GRIP1: variants seen among roughly 807,000 people sequenced by gnomAD.
GRIP1 encodes the protein glutamate receptor interacting protein 1.
In GRIP1, 45 loss-of-function variants were observed where a neutral mutation model predicts 129.9. The ratio of observed to expected loss-of-function variants is 0.35; its 90% CI spans 0.27 to 0.44. The LOEUF is 0.44. Ranked by LOEUF, GRIP1 falls within the 20% of genes least tolerant of loss-of-function variation. The pLI, the probability that GRIP1 is intolerant of heterozygous loss-of-function variation, is 1.00. For missense variants in GRIP1, 1,196 were observed against 1,396.8 expected, an observed-to-expected ratio of 0.86 and a Z score of 2.29; for synonymous variants, 530 against 520.8, an observed-to-expected ratio of 1.02 and a Z score of -0.24.
chr12:66,726,467 C>CCAA (rs919832497), intron 1 of GRIP1, among the ~76,000 whole-genome samples: 24 of 152,022 alleles, frequency 1.6e-4, no homozygotes, highest in Non-Finnish European at 1.5e-5. Flanking sequence ...GGGCATAACT[C>CCAA]CAACAACAAC....
rs912591088 is a variant in GRIP1, at chr12:66,477,916, A to G, written c.725-12494T>C. Among the ~76,000 whole-genome samples, 6 of 152,312 alleles carry G rather than the reference A, an allele frequency of 3.9e-5. No homozygotes were observed. The South Asian group carries it at 6.2e-4, about 16-fold the overall frequency. ...AGACTTAAATGTTAGACCTAAAACC[A>G]TAAAAACCCTAGAAGAAAACCTAGG... On this transcript the variant is annotated intron_variant, in intron 7 of 24. Transcript: ENST00000359742.
intron 1 of GRIP1, among the ~76,000 whole-genome samples, chr12:66,839,720 C>T (rs1004457707): frequency 6.6e-6 from 1 of 152,150 alleles, no homozygotes; most frequent in Non-Finnish European, 1.5e-5. Flanking sequence ...TGCTAAGTGA[C>T]ATCTTATTTA....
chr12:66,787,566 G>C (rs1208453816), intron 1 of GRIP1, among the ~76,000 whole-genome samples: 1 of 152,082 alleles, frequency 6.6e-6, no homozygotes, highest in Non-Finnish European at 1.5e-5. Context: ...AGATCATGAG[G>C]GCAGGGCACA....
At chr12:66,863,471 A>C (rs1050074730) in intron 1 of GRIP1, among the ~76,000 whole-genome samples, 1 of 152,146 alleles carries the variant, frequency 6.6e-6, no homozygotes, top group African/African-American at 2.4e-5. Flanking sequence ...CATCAGAGAA[A>C]GTATTTCTGA....
chr12:66,842,998 A>C (rs2039748688), intron 1 of GRIP1, among the ~76,000 whole-genome samples: 1 of 152,160 alleles, frequency 6.6e-6, no homozygotes, highest in Non-Finnish European at 1.5e-5. Context: ...ATTTGAAAAG[A>C]GATTAATTCA....
chr12:66,385,329 A>C (rs959381241), intron 19 of GRIP1, among the ~76,000 whole-genome samples: 1 of 152,048 alleles, frequency 6.6e-6, no homozygotes, highest in Non-Finnish European at 1.5e-5. Context: ...TGAGGTTAGG[A>C]GTTCAAGACC....
rs61926132 is a variant in GRIP1, at chr12:66,697,769, C to T, written c.-419-67433G>A. Among the ~76,000 whole-genome samples, 1,051 of 152,150 alleles carry T rather than the reference C, an allele frequency of 6.9e-3. 3 individuals carry two copies. The highest frequency in any genetic ancestry group is 0.02 in the Middle Eastern group (6 of 294). ...GTAAGGAAGTGAAAAGCAACAGATT[C>T]GAAAGTATTTTTAGTGGGTTACTCT... On this transcript the variant is annotated intron_variant, in intron 1 of 4. Transcript: ENST00000538373.
chr12:67,060,711 T>C (rs146715997), intron 1 of GRIP1, among the ~76,000 whole-genome samples: 1,597 of 151,122 alleles, frequency 0.011, 25 homozygotes, highest in African/African-American at 0.037. Flanking sequence ...TAATCCCAGC[T>C]ACTGAGGAGG....
In GRIP1 at chr12:66,608,610, G is replaced by A. The variant is rs534329827; in HGVS notation, c.56-11683C>T. Among the ~76,000 whole-genome samples the A allele has an allele frequency of 3.9e-5, 6 of 152,262 alleles. No homozygotes were observed. The East Asian group carries it at 1.2e-3, about 29-fold the overall frequency. ...ACCTCCCAAAGTGCTGGGATTTCAG[G>A]CATAAGCCACCATGCCCAGCCCAGA... On this transcript the variant is annotated intron_variant, in intron 1 of 24. Coordinates refer to ENST00000359742, the MANE Select transcript of GRIP1 (RefSeq NM_001366722.1).
chr12:66,593,962 G>T (rs944921846), intron 2 of GRIP1, among the ~76,000 whole-genome samples: 1 of 151,708 alleles, frequency 6.6e-6, no homozygotes, highest in Non-Finnish European at 1.5e-5. Flanking sequence ...CAGCTGCTGG[G>T]GAGGCTGAGG....
chr12:66,568,894 G>T, intron 2 of GRIP1: 1 of 505,626 alleles, frequency 2.0e-6, no homozygotes, highest in Non-Finnish European at 4.0e-6. Context: ...AGTTGAGTAG[G>T]TTCCAGAGGG....
At chr12:67,043,844 A>G (rs2043214373) in intron 1 of GRIP1, among the ~76,000 whole-genome samples, 1 of 152,228 alleles carries the variant, frequency 6.6e-6, no homozygotes. Context: ...TTGCATTTGT[A>G]CAGAAGATTT....
chr12:66,499,625 C>G (rs999516258), intron 7 of GRIP1, among the ~76,000 whole-genome samples: 10 of 151,998 alleles, frequency 6.6e-5, no homozygotes, highest in Non-Finnish European at 1.3e-4. Context: ...GGGGCAGAGA[C>G]TATAGGAAGC....
In GRIP1 at chr12:66,840,501, G is replaced by A. The variant is rs535853499; in HGVS notation, c.58+228549C>T. Among the ~76,000 whole-genome samples the A allele has an allele frequency of 1.1e-4, 16 of 152,238 alleles. No homozygotes were observed. In the East Asian group the frequency reaches 3.1e-3, roughly 29 times the overall value. On this transcript the variant is annotated intron_variant, in intron 1 of 1. Coordinates refer to the GRIP1 transcript ENST00000643019. ...GGAAGGAACAAGATCATTAGACAAC[G>A]ACAGTAAGGGCTGCACTGTTAATGA...
chr12:66,642,033 A>C (rs886721288), intron 1 of GRIP1, among the ~76,000 whole-genome samples: 1 of 152,192 alleles, frequency 6.6e-6, no homozygotes, highest in South Asian at 2.1e-4. Flanking sequence ...TGTGAATTAC[A>C]ATGCCAAACA....
chr12:66,369,783 C>T (rs1164681370), intron 23 of GRIP1, among the ~76,000 whole-genome samples: 2 of 152,152 alleles, frequency 1.3e-5, no homozygotes, highest in African/African-American at 4.8e-5. Context: ...GTACAGCAGA[C>T]TTAGGACTGA....
intron 1 of GRIP1, among the ~76,000 whole-genome samples, chr12:66,865,774 T>C (rs559347157): frequency 3.6e-4 from 55 of 152,286 alleles, no homozygotes; most frequent in African/African-American, 1.3e-3. Context: ...AAGCAAAACA[T>C]ACAAATGCAA....
At chr12:67,052,768 GGGAGGGAGGGAGGGAGGGAC>G (rs1055020131) in intron 1 of GRIP1, among the ~76,000 whole-genome samples, 15 of 146,862 alleles carry the variant, frequency 1.0e-4, no homozygotes, top group African/African-American at 3.1e-4. Flanking sequence ...CAAAAATGAA[GGGAGGGAGGGAGGGAGGGAC>G]GGAGGGAGGG....
At chr12:67,052,768 G>T (rs1565657344) in intron 1 of GRIP1, among the ~76,000 whole-genome samples, 2 of 146,788 alleles carry the variant, frequency 1.4e-5, no homozygotes, top group African/African-American at 5.2e-5. Flanking sequence ...CAAAAATGAA[G>T]GGAGGGAGGG....
Sources: gnomAD v4.1 joint callset for allele counts (sites outside exome capture counted in the v4.1 genomes callset) on GRCh38, gnomAD v4.1.1 for gene constraint, MANE v1.5 for transcripts, NCBI Gene and HGNC (gene_info 2026-07-23, HGNC 2026-07-21) for gene names.